AGO3: variants seen among roughly 807,000 people sequenced by gnomAD.
AGO3 encodes protein argonaute-3.
In AGO3, 16 loss-of-function variants were observed where a neutral mutation model predicts 105.5. That is an observed-to-expected ratio of 0.15 (90% CI 0.10 to 0.23). AGO3 has a LOEUF of 0.23. Among genes scored for constraint, AGO3 ranks in the 10% least tolerant of loss-of-function variants. AGO3 has a pLI of 1.00. For synonymous variants in AGO3, 340 were observed against 367.3 expected, an observed-to-expected ratio of 0.93 and a Z score of 0.85; for missense variants, 534 against 1,088.0, an observed-to-expected ratio of 0.49 and a Z score of 7.16.
intron 1 of AGO3, among the ~76,000 whole-genome samples, chr1:35,941,654 C>T (rs760781215): frequency 1.3e-5 from 2 of 152,104 alleles, no homozygotes; most frequent in Non-Finnish European, 2.9e-5. Flanking sequence ...ATGATTCCTT[C>T]CTTTATAGGG....
At position 35,960,533 on chromosome 1, in the gene AGO3, C is replaced by A. The variant is rs185501655; in HGVS notation, c.192-6422C>A. 6.6e-5 allele frequency among the ~76,000 whole-genome samples: 10 copies of A among 151,966 alleles called. No individual in the cohort carries two copies. The East Asian group carries it at 1.7e-3, about 26-fold the overall frequency. On this transcript the variant is annotated intron_variant, in intron 2 of 18. Transcript: ENST00000373191. ...TTCTAAATATATGAATTTGGCCAGG[C>A]ACAGTGGCTCACACATGTAATCTCA... is the stretch of plus-strand genomic sequence containing the variant.
At chr1:35,994,450 A>G (rs1648072671) in intron 5 of AGO3, among the ~76,000 whole-genome samples, 1 of 152,222 alleles carries the variant, frequency 6.6e-6, no homozygotes, top group Admixed American at 6.5e-5. Context: ...TGGTGAAAAG[A>G]TTGTACACTT....
intron 17 of AGO3, among the ~76,000 whole-genome samples, chr1:36,052,309 C>T (rs1028352066): frequency 6.6e-6 from 1 of 151,852 alleles, no homozygotes; most frequent in African/African-American, 2.4e-5. Flanking sequence ...ATAAACCAAC[C>T]ACAGAGAGAT....
chr1:35,972,856 A>ATTTTTTTT (rs1165696072), intron 4 of AGO3, among the ~76,000 whole-genome samples: 28 of 122,890 alleles, frequency 2.3e-4, no homozygotes, highest in Non-Finnish European at 4.0e-4. Flanking sequence ...TTAAAAAAAA[A>ATTTTTTTT]TTTTTTTTTT....
At position 36,003,543 on chromosome 1, in the gene AGO3, T is replaced by A. The variant is rs114690787; in HGVS notation, c.659-798T>A. ...AACCCCGTCTCTACTAGAAGTGCTA[T>A]ATTGGTCGGACGTGGTGGTGCATGC... On this transcript the variant is annotated intron_variant, in intron 5 of 18. Coordinates refer to ENST00000373191, the MANE Select transcript of AGO3 (RefSeq NM_024852.4). Among the ~76,000 whole-genome samples the A allele has an allele frequency of 8.2e-3, 1,245 of 151,050 alleles. 19 individuals are homozygous for A. Among genetic ancestry groups the A allele is most frequent in the African/African-American group, 0.028 (1,166 of 41,190 alleles).
chr1:36,020,496 A>G (rs1641159483), intron 11 of AGO3, among the ~76,000 whole-genome samples: 1 of 152,216 alleles, frequency 6.6e-6, no homozygotes, highest in Non-Finnish European at 1.5e-5. Context: ...GTTACCAGAA[A>G]CCTATCTTCA....
intron 5 of AGO3, among the ~76,000 whole-genome samples, chr1:35,976,349 CTCTT>C (rs1224776046): frequency 6.6e-6 from 1 of 152,036 alleles, no homozygotes; most frequent in East Asian, 1.9e-4. Flanking sequence ...TATACTTTCT[CTCTT>C]TCTGTGTTAT....
At chr1:35,945,295 C>T (rs778877131) in intron 1 of AGO3, among the ~76,000 whole-genome samples, 6 of 150,184 alleles carry the variant, frequency 4.0e-5, no homozygotes, top group Non-Finnish European at 7.4e-5. Flanking sequence ...TCAAGTGATC[C>T]TCCTACCTTG....
chr1:35,953,276 A>G (rs924997594), intron 2 of AGO3, among the ~76,000 whole-genome samples: 1 of 152,186 alleles, frequency 6.6e-6, no homozygotes, highest in Admixed American at 6.5e-5. Flanking sequence ...TAAAAAGAAA[A>G]AAAAAAAGAA....
intron 3 of AGO3, among the ~76,000 whole-genome samples, chr1:35,971,044 A>AT (rs201715016): frequency 6.9e-5 from 10 of 145,092 alleles, no homozygotes; most frequent in Non-Finnish European, 1.4e-4. Flanking sequence ...ATATATATAT[A>AT]TTTTTTATTA....
At chr1:35,994,290 T>C (rs1648056260) in intron 5 of AGO3, among the ~76,000 whole-genome samples, 1 of 151,976 alleles carries the variant, frequency 6.6e-6, no homozygotes, top group Non-Finnish European at 1.5e-5. Context: ...TACTAACCCC[T>C]GACAAAGACA....
chr1:36,003,524 G>A (rs1407457578), intron 5 of AGO3, among the ~76,000 whole-genome samples: 5 of 151,256 alleles, frequency 3.3e-5, no homozygotes, highest in South Asian at 2.1e-4. Flanking sequence ...GAGAAACCCC[G>A]TCTCTACTAG....
Position 36,070,442 on chromosome 1 carries a change from T to A in AGO3, c.*14697T>A, listed in dbSNP as rs1182980005. On this transcript the variant is annotated 3_prime_UTR_variant, in exon 19 of 19. Coordinates refer to ENST00000373191, the MANE Select transcript of AGO3 (RefSeq NM_024852.4). ...GGCAGGTCCTTACATTTCAACAGGC[T>A]TATGCATTTCCATGGGGGGAAGAGA... is the stretch of plus-strand genomic sequence containing the variant. 6.6e-6 allele frequency: 1 copy of A among 152,228 alleles called. No individual in the cohort carries two copies. The highest frequency in any genetic ancestry group is 6.5e-5 in the Admixed American group (1 of 15,280). The allele number at this position is 152,228 out of a possible 1,614,324, so 9.4% of individuals were successfully genotyped here.
intron 2 of AGO3, among the ~76,000 whole-genome samples, chr1:35,965,130 G>GT (rs1646748648): frequency 6.7e-6 from 1 of 148,546 alleles, no homozygotes; most frequent in African/African-American, 2.6e-5. Flanking sequence ...TTACTGTTGA[G>GT]TTAAAAAAAA....
At chr1:36,054,253 T>C (rs1642838819) in intron 17 of AGO3, among the ~76,000 whole-genome samples, 1 of 152,192 alleles carries the variant, frequency 6.6e-6, no homozygotes, top group South Asian at 2.1e-4. Flanking sequence ...GCTTTACTTT[T>C]CTATTTTATT....
chr1:35,956,960 G>A (rs1646578563), intron 2 of AGO3, among the ~76,000 whole-genome samples: 1 of 151,996 alleles, frequency 6.6e-6, no homozygotes, highest in African/African-American at 2.4e-5. Context: ...TAAGGATCAT[G>A]ATTTTCAAGG....
At chr1:35,969,181 T>C (rs897894478) in intron 3 of AGO3, among the ~76,000 whole-genome samples, 2 of 152,056 alleles carry the variant, frequency 1.3e-5, no homozygotes, top group Non-Finnish European at 2.9e-5. Flanking sequence ...ATCAATACCA[T>C]TGTAGGAGTT....
At position 36,027,479 on chromosome 1, in the gene AGO3, T is replaced by C. The variant is rs144365409; in HGVS notation, c.1591+181T>C. On this transcript the variant is annotated intron_variant, in intron 12 of 18. Coordinates refer to ENST00000373191, the MANE Select transcript of AGO3 (RefSeq NM_024852.4). The surrounding 1 kb of genome is among the most constrained non-coding windows in gnomAD (Gnocchi z 4.0). ...AACTAAATAGTCCAAGATGAGACAT[T>C]GTAAAAAGAGTTTCCGGGCTGGGCG... Among the ~76,000 whole-genome samples the C allele has an allele frequency of 0.015, 2,340 of 152,320 alleles. 51 individuals carry two copies. Among genetic ancestry groups the C allele is most frequent in the African/African-American group, 0.053 (2,205 of 41,576 alleles).
rs1034577789 is a variant in AGO3, at chr1:36,027,696, G to A, written c.1591+398G>A. ...CAGGAGGCTGAGGCAGGAGAATGGC[G>A]TGAACCCAGGAGGTGGAGCTTGCAG... is the stretch of plus-strand genomic sequence containing the variant. On this transcript the variant is annotated intron_variant, in intron 12 of 18. Coordinates refer to ENST00000373191, the MANE Select transcript of AGO3 (RefSeq NM_024852.4). The surrounding 1 kb of genome is among the most constrained non-coding windows in gnomAD (Gnocchi z 4.0). 1.3e-4 allele frequency among the ~76,000 whole-genome samples: 19 copies of A among 151,670 alleles called. No homozygotes were observed. Among genetic ancestry groups the A allele is most frequent in the Middle Eastern group, 3.2e-3 (1 of 316 alleles).
Sources: allele counts gnomAD v4.1 joint callset (sites outside exome capture counted in the v4.1 genomes callset), GRCh38; gene constraint gnomAD v4.1.1; non-coding constraint Gnocchi (gnomAD v3.1); transcripts MANE v1.5; gene names NCBI Gene and HGNC (gene_info 2026-07-23, HGNC 2026-07-21).